Variants in SBNO1 observed in about 807,000 individuals in gnomAD.
SBNO1 encodes strawberry notch homolog 1, also known as protein strawberry notch homolog 1.
SBNO1 carries 23 observed loss-of-function variants against 173.6 expected under a neutral mutation model. That is an observed-to-expected ratio of 0.13 (90% CI 0.10 to 0.19). The LOEUF (loss-of-function observed/expected upper bound fraction) is 0.19. SBNO1 is among the 10% of genes least tolerant of loss of function. SBNO1 has a pLI of 1.00. For missense variants in SBNO1, 1,238 were observed against 1,671.2 expected, an observed-to-expected ratio of 0.74 and a Z score of 4.52; for synonymous variants, 632 against 571.5, an observed-to-expected ratio of 1.11 and a Z score of -1.51.
At chr12:123,302,752 A>AG in intron 30 of SBNO1, 72 bp downstream of exon 30, 1 of 916,202 alleles carries the variant, frequency 1.1e-6, no homozygotes, top group Non-Finnish European at 1.8e-6. Context: ...GGACATACTG[A>AG]TAAAGAGTGA....
rs1000397867 is a variant in SBNO1, at chr12:123,313,774, T to C, written c.3121-55A>G. On this transcript the variant is annotated intron_variant, in intron 23 of 31. Coordinates refer to ENST00000602398, the MANE Select transcript of SBNO1 (RefSeq NM_001167856.3). The stretch of plus-strand genomic sequence containing the variant: ...GTTTCAGCATTTGGATACTCTTCAA[T>C]CACATGACCACCTAAATACTATAAA... 14 of 1,002,740 alleles carry C rather than the reference T, an allele frequency of 1.4e-5. No homozygotes were observed. The African/African-American group carries it at 2.1e-4, about 15-fold the overall frequency. The allele number at this position is 1,002,740 out of a possible 1,614,324, so 62.1% of individuals were successfully genotyped here.
At chr12:123,311,760 G>T (rs1397081368) in intron 24 of SBNO1, among the ~76,000 whole-genome samples, 1 of 145,766 alleles carries the variant, frequency 6.9e-6, no homozygotes, top group South Asian at 2.1e-4. Context: ...TTTTGCGACA[G>T]AGTCTGACTA....
intron 6 of SBNO1, among the ~76,000 whole-genome samples, chr12:123,334,501 C>T (rs777526026): frequency 1.1e-4 from 16 of 152,108 alleles, no homozygotes; most frequent in Admixed American, 3.3e-4. Context: ...TGAGGTCAGG[C>T]GTTCAAGACC....
chr12:123,328,345 T>C (rs1348232180), intron 10 of SBNO1, among the ~76,000 whole-genome samples: 5 of 152,204 alleles, frequency 3.3e-5, no homozygotes, highest in Admixed American at 3.3e-4. Flanking sequence ...TTAATCAGCA[T>C]TTCAAAAAGT....
intron 28 of SBNO1, among the ~76,000 whole-genome samples, chr12:123,306,526 C>T (rs1002268881): frequency 1.3e-5 from 2 of 152,130 alleles, no homozygotes; most frequent in Non-Finnish European, 1.5e-5. Flanking sequence ...AATCTACCAA[C>T]GGTGATATTC....
chr12:123,306,282 A>C (rs951041546), intron 28 of SBNO1, among the ~76,000 whole-genome samples: 8 of 152,244 alleles, frequency 5.3e-5, no homozygotes, highest in Non-Finnish European at 1.0e-4. Context: ...ACATCATCAC[A>C]GAACAGTGGA....
At chr12:123,315,301 T>C (rs772156982) in intron 23 of SBNO1, 72 bp downstream of exon 23, 76 of 1,209,290 alleles carry the variant, frequency 6.3e-5, no homozygotes, top group Non-Finnish European at 9.0e-5. Flanking sequence ...CAGTAACTAC[T>C]TTCCTTTTGT....
At chr12:123,307,814 G>A (rs1282685645) in intron 28 of SBNO1, among the ~76,000 whole-genome samples, 1 of 152,202 alleles carries the variant, frequency 6.6e-6, no homozygotes, top group East Asian at 1.9e-4. Flanking sequence ...GCTCATGCCT[G>A]TAATCCCAGC....
chr12:123,349,896 G>C (rs1339650829), intron 2 of SBNO1, among the ~76,000 whole-genome samples: 4 of 151,584 alleles, frequency 2.6e-5, no homozygotes, highest in African/African-American at 7.3e-5. Flanking sequence ...CTGGGTGACA[G>C]AGCAAGACTC....
rs1366110312 is a variant in SBNO1, at chr12:123,292,853, G to A, written c.*3055C>T. On this transcript the variant is annotated 3_prime_UTR_variant, in exon 32 of 32. Coordinates refer to ENST00000602398, the MANE Select transcript of SBNO1 (RefSeq NM_001167856.3). ...CTTAACATATTTGCTTCTTAATCAA[G>A]TTGTGTTTAAAGAAATGCATTAATA... The A allele has an allele frequency of 1.3e-5, 2 of 152,174 alleles. No homozygotes were observed. The highest frequency in any genetic ancestry group is 4.8e-5 in the African/African-American group (2 of 41,442). 9.4% of individuals were successfully genotyped at this position (152,174 alleles called of 1,614,324 possible). A position where few individuals can be genotyped will look rare whatever the true frequency, so the allele number is the denominator to read the frequency against.
rs57416942 is a variant in SBNO1, at chr12:123,317,393, A to C, written c.2800-37T>G. The C allele has an allele frequency of 1.3e-4, 210 of 1,607,474 alleles. 1 individual carries two copies. Among genetic ancestry groups the C allele is most frequent in the Admixed American group, 2.7e-4 (16 of 59,520 alleles). On this transcript the variant is annotated intron_variant, in intron 20 of 31. Transcript: ENST00000602398. ...ATAAGAAAAATAAAGTCACTTTTGC[A>C]TAAGAACAAGCAGGCCAGTGCCTTA... is the stretch of plus-strand genomic sequence containing the variant.
At chr12:123,346,862 G>A (rs1046215144) in intron 3 of SBNO1, among the ~76,000 whole-genome samples, 1 of 151,958 alleles carries the variant, frequency 6.6e-6, no homozygotes, top group African/African-American at 2.4e-5. Context: ...CACATTACCT[G>A]AGGTCAGGAG....
Position 123,304,612 on chromosome 12 carries a change from A to C in SBNO1, c.3738T>G (p.Ile1246Met). ...PNTGKQLKLE[I>M]YADLKKKYKK... is the part of the protein sequence containing the mutation. ...TATATTTCTTTTTTAGATCAGCATA[A>C]ATTTCTAATTTGAGCTGCTTCCCAG... The change falls in exon 29 of 32, where the codon ATT becomes ATG. Residue 1246 changes from isoleucine to methionine, a missense_variant. Physicochemically the swap from Ile to Met is conservative, Grantham distance 10. Coordinates refer to ENST00000602398, the MANE Select transcript of SBNO1 (RefSeq NM_001167856.3). 6.4e-7 allele frequency: 1 copy of C among 1,563,422 alleles called. No individual in the cohort carries two copies. The highest frequency in any genetic ancestry group is 1.1e-5 in the South Asian group (1 of 89,422).
At position 123,327,984 on chromosome 12, in the gene SBNO1, A is replaced by T; in HGVS notation, c.1340T>A (p.Val447Asp). The change falls in exon 11 of 32, where the codon GTT (valine) becomes GAT (aspartate). Residue 447 changes from valine to aspartate, a missense_variant. Transcript: ENST00000602398. Reference sequence around the variant, plus strand: ...TGTCTTGGTTGGCTTTGAAGAACCAACAGGACATAAGTTTTTGGCTTTATG... The same window carrying T: ...TGTCTTGGTTGGCTTTGAAGAACCATCAGGACATAAGTTTTTGGCTTTATG... Reference protein sequence around the residue: ...ECHKAKNLCPVGSSKPTKTGL... With the variant: ...ECHKAKNLCPDGSSKPTKTGL... 1 of 1,613,156 alleles carries T rather than the reference A, an allele frequency of 6.2e-7. No homozygotes were observed. Among genetic ancestry groups the T allele is most frequent in the Middle Eastern group, 1.7e-4 (1 of 5,940 alleles).
chr12:123,292,826 T>C lies in SBNO1; in HGVS notation c.*3082A>G, dbSNP rs931097821. ...TAATTTAGCAGCAGAAAAAGAAAAC[T>C]GCTTAACATATTTGCTTCTTAATCA... On this transcript the variant is annotated 3_prime_UTR_variant, in exon 32 of 32. Transcript: ENST00000602398. 4 of 152,214 alleles carry C rather than the reference T, an allele frequency of 2.6e-5. No individual in the cohort carries two copies. The highest frequency in any genetic ancestry group is 6.5e-5 in the Admixed American group (1 of 15,284). 9.4% of individuals were successfully genotyped at this position (152,214 alleles called of 1,614,324 possible). A position where few individuals can be genotyped will look rare whatever the true frequency, so the allele number is the denominator to read the frequency against.
In SBNO1 at chr12:123,290,925, T is replaced by G. The variant is rs893292925; in HGVS notation, c.*4983A>C. ...GCTAAGTTTTTTTTTTTTTTGTATT[T>G]TTAGTAGAGACGGGGTTTCACCGTG... On this transcript the variant is annotated 3_prime_UTR_variant, in exon 32 of 32. Coordinates refer to ENST00000602398, the MANE Select transcript of SBNO1 (RefSeq NM_001167856.3). 2 of 151,920 alleles carry G rather than the reference T, an allele frequency of 1.3e-5. No homozygotes were observed. Among genetic ancestry groups the G allele is most frequent in the African/African-American group, 4.8e-5 (2 of 41,302 alleles). 9.4% of individuals were successfully genotyped at this position (151,920 alleles called of 1,614,324 possible).
intron 15 of SBNO1, among the ~76,000 whole-genome samples, chr12:123,324,075 CTGG>C (rs1369421265): frequency 6.6e-6 from 1 of 152,030 alleles, no homozygotes; most frequent in African/African-American, 2.4e-5. Context: ...ATAAATAAAA[CTGG>C]TGGAACTAAT....
chr12:123,323,866 G>C (rs1484071132), intron 15 of SBNO1, 35 bp from the exon 16 acceptor site: 1 of 1,502,966 alleles, frequency 6.7e-7, no homozygotes, highest in Non-Finnish European at 8.9e-7. Flanking sequence ...TACTGCTTCA[G>C]TTGACAAAAT....
rs1189866952 is a variant in SBNO1 at position 123,290,900 on chromosome 12, G to C, written c.*5008C>G. On this transcript the variant is annotated 3_prime_UTR_variant, in exon 32 of 32. Coordinates refer to ENST00000602398, the MANE Select transcript of SBNO1 (RefSeq NM_001167856.3). ...CTACAGGCACCCGCCACCACGCCTG[G>C]CTAAGTTTTTTTTTTTTTTGTATTT... The C allele has an allele frequency of 6.7e-6, 1 of 150,092 alleles. No individual in the cohort carries two copies. Among genetic ancestry groups the C allele is most frequent in the East Asian group, 2.1e-4 (1 of 4,846 alleles). The allele number at this position is 150,092 out of a possible 1,614,324, so 9.3% of individuals were successfully genotyped here. A position where few individuals can be genotyped will look rare whatever the true frequency, so the allele number is the denominator to read the frequency against.
Sources: allele counts gnomAD v4.1 joint callset (sites outside exome capture counted in the v4.1 genomes callset), GRCh38; gene constraint gnomAD v4.1.1; transcripts MANE v1.5; gene names NCBI Gene and HGNC (gene_info 2026-07-23, HGNC 2026-07-21).